FBN1: variants seen among roughly 807,000 people sequenced by gnomAD.
The protein encoded by FBN1 is fibrillin-1.
In FBN1, 29 loss-of-function variants were observed where a neutral mutation model predicts 365.1. That is an observed-to-expected ratio of 0.08 (90% CI 0.06 to 0.11). The LOEUF is 0.11. Among genes scored for constraint, FBN1 ranks in the 10% least tolerant of loss-of-function variants. FBN1 has a pLI of 1.00. For synonymous variants in FBN1, 1,210 were observed against 1,270.5 expected, an observed-to-expected ratio of 0.95 and a Z score of 1.01; for missense variants, 2,476 against 3,703.2, an observed-to-expected ratio of 0.67 and a Z score of 8.60.
intron 6 of FBN1, among the ~76,000 whole-genome samples, chr15:48,553,501 A>G (rs2044158346): frequency 6.6e-6 from 1 of 152,246 alleles, no homozygotes; most frequent in Non-Finnish European, 1.5e-5. Context: ...AAATAGGGTA[A>G]CGGTACTGAC....
In FBN1 at chr15:48,415,747, C is replaced by T. The variant is rs1280320763; in HGVS notation, c.7840G>A (p.Ala2614Thr). The change falls in exon 64 of 66, where the codon GCT becomes ACT. Residue 2614 changes from alanine to threonine, a missense_variant. Coordinates refer to ENST00000316623, the MANE Select transcript of FBN1 (RefSeq NM_000138.5). ...QCVDENECLS[A>T]HICGGASCHN... ...CAGGAGGCTCCTCCGCAGATGTGAG[C>T]GCTGAGGCATTCGTTTTCATCTGCA... 10 of 1,614,068 alleles carry T rather than the reference C, an allele frequency of 6.2e-6. No homozygotes were observed. The highest frequency in any genetic ancestry group is 1.3e-5 in the African/African-American group (1 of 75,034).
intron 6 of FBN1, among the ~76,000 whole-genome samples, chr15:48,579,435 C>A (rs1411139699): frequency 2.0e-5 from 3 of 152,058 alleles, no homozygotes; most frequent in African/African-American, 7.2e-5. Context: ...CATCTACATA[C>A]AGTTGAATAT....
At chr15:48,633,563 A>G (rs143748646) in intron 2 of FBN1, among the ~76,000 whole-genome samples, 1 of 152,222 alleles carries the variant, frequency 6.6e-6, no homozygotes, top group African/African-American at 2.4e-5. Flanking sequence ...ACCTCCCTCA[A>G]AAAGTCCCAT....
intron 17 of FBN1, 77 bp downstream of exon 17, chr15:48,503,710 G>A: frequency 6.3e-7 from 1 of 1,596,116 alleles, no homozygotes; most frequent in Non-Finnish European, 8.6e-7. Context: ...CATCTTCCCT[G>A]TGAATTCCAC....
chr15:48,412,532 C>T, intron 65 of FBN1, 37 bp downstream of exon 65: 4 of 1,610,792 alleles, frequency 2.5e-6, no homozygotes, highest in Non-Finnish European at 3.4e-6. Flanking sequence ...GGCTTTCCAC[C>T]ACAGGAGACA....
intron 6 of FBN1, among the ~76,000 whole-genome samples, chr15:48,548,673 G>A (rs1003966621): frequency 1.1e-4 from 16 of 152,146 alleles, no homozygotes; most frequent in African/African-American, 3.9e-4. Context: ...TTCATCTAAG[G>A]CAGCTAGTTA....
chr15:48,425,681 T>G (rs1397925530), intron 59 of FBN1, 58 bp downstream of exon 59: 5 of 1,594,774 alleles, frequency 3.1e-6, no homozygotes, highest in Non-Finnish European at 4.3e-6. Context: ...TTGGGTTTTT[T>G]TTTTTCCATA....
intron 49 of FBN1, among the ~76,000 whole-genome samples, chr15:48,442,315 C>T (rs1011688043): frequency 1.3e-5 from 2 of 152,150 alleles, no homozygotes; most frequent in African/African-American, 4.8e-5. Context: ...CAGAACTTTT[C>T]CCAATACCCT....
intron 38 of FBN1, 85 bp downstream of exon 38, chr15:48,467,853 A>G: frequency 1.7e-6 from 2 of 1,204,314 alleles, no homozygotes; most frequent in East Asian, 2.3e-5. Flanking sequence ...TCTCTGATCT[A>G]AGAGTAGAAA....
At chr15:48,430,620 C>A in intron 56 of FBN1, 51 bp downstream of exon 56, 1 of 1,609,936 alleles carries the variant, frequency 6.2e-7, no homozygotes, top group Non-Finnish European at 8.5e-7. Flanking sequence ...TTCCTTCTGT[C>A]CACTGTCACT....
chr15:48,631,042 G>A (rs929713030), intron 2 of FBN1, among the ~76,000 whole-genome samples: 19 of 152,094 alleles, frequency 1.2e-4, no homozygotes, highest in African/African-American at 3.9e-4. Flanking sequence ...AGGGTGCAGC[G>A]TATAGGAACT....
At position 48,622,778 on chromosome 15, in the gene FBN1, CTCT is replaced by C. The variant is rs983744399; in HGVS notation, c.165-9689_165-9687del. 7.9e-5 allele frequency among the ~76,000 whole-genome samples: 12 copies of C among 152,238 alleles called. 1 individual carries two copies. Among genetic ancestry groups the C allele is most frequent in the African/African-American group, 2.9e-4 (12 of 41,534 alleles). The stretch of plus-strand genomic sequence containing the variant: ...CAACTTCCACCCTCCTACTCAGCTC[CTCT>C]TCTTCACCGTCTCAGCCCTCACTCA... On this transcript the variant is annotated intron_variant, in intron 2 of 65. Transcript: ENST00000316623.
rs542505148 is a variant in FBN1, at chr15:48,541,204, C to A, written c.539-3396G>T. Among the ~76,000 whole-genome samples the A allele has an allele frequency of 3.9e-5, 6 of 151,986 alleles. No homozygotes were observed. In the South Asian group the frequency reaches 1.0e-3, roughly 26 times the overall value. ...AGAATCGAGATGGTAGTTGTTAATT[C>A]TGACAATCTATATTAGGCATCCCAA... On this transcript the variant is annotated intron_variant, in intron 6 of 65. Coordinates refer to ENST00000316623, the MANE Select transcript of FBN1 (RefSeq NM_000138.5).
At chr15:48,587,613 C>T (rs2044447536) in intron 6 of FBN1, among the ~76,000 whole-genome samples, 1 of 152,162 alleles carries the variant, frequency 6.6e-6, no homozygotes, top group African/African-American at 2.4e-5. Context: ...TTCCCTTTAC[C>T]TGTAGTACTT....
intron 6 of FBN1, among the ~76,000 whole-genome samples, chr15:48,548,451 A>C (rs896600146): frequency 6.6e-6 from 1 of 152,240 alleles, no homozygotes; most frequent in African/African-American, 2.4e-5. Flanking sequence ...GTTCTAGCTA[A>C]GTGTTGCCCA....
chr15:48,503,241 G>A lies in FBN1; in HGVS notation c.2113+546C>T, dbSNP rs542493776. ...GAACCCGGGAGGCGGAGGTGGCAGTGAGCTGAGATCGCGCCACTGCACTCC... is the reference window on the plus strand; with the variant it reads ...GAACCCGGGAGGCGGAGGTGGCAGTAAGCTGAGATCGCGCCACTGCACTCC... On this transcript the variant is annotated intron_variant, in intron 17 of 65. Transcript: ENST00000316623. Among the ~76,000 whole-genome samples, 15 of 148,026 alleles carry A rather than the reference G, an allele frequency of 1.0e-4. No homozygotes were observed. In the East Asian group the frequency reaches 2.8e-3, roughly 28 times the overall value.
chr15:48,431,074 C>T (rs1286001919), intron 55 of FBN1, among the ~76,000 whole-genome samples: 1 of 151,844 alleles, frequency 6.6e-6, no homozygotes, highest in African/African-American at 2.4e-5. Context: ...TCTTCTCCTT[C>T]CCTTATTTTT....
chr15:48,595,828 T>A (rs2044511031), intron 6 of FBN1, among the ~76,000 whole-genome samples: 1 of 152,320 alleles, frequency 6.6e-6, no homozygotes, highest in Non-Finnish European at 1.5e-5. Flanking sequence ...TGTTGAATGC[T>A]GAGCTTGTAC....
At chr15:48,467,830 G>C in intron 38 of FBN1, 108 bp downstream of exon 38, 1 of 1,029,512 alleles carries the variant, frequency 9.7e-7, no homozygotes, top group East Asian at 2.4e-5. Flanking sequence ...GGGCTGAGAG[G>C]ACTGATCTTT....
Sources: allele counts gnomAD v4.1 joint callset (sites outside exome capture counted in the v4.1 genomes callset), GRCh38; gene constraint gnomAD v4.1.1; transcripts MANE v1.5; gene names NCBI Gene and HGNC (gene_info 2026-07-23, HGNC 2026-07-21).